The following CCDC57 variants were observed in gnomAD, a reference collection of about 807,000 sequenced individuals.
The protein encoded by CCDC57 is coiled-coil domain containing 57.
In CCDC57, 118 loss-of-function variants were observed where a neutral mutation model predicts 118.9. That is an observed-to-expected ratio of 0.99 (90% CI 0.86 to 1.16). The LOEUF (loss-of-function observed/expected upper bound fraction) is 1.16, where lower values mean the gene tolerates loss of function less well. Ranked by LOEUF, CCDC57 falls within the 50% of genes most tolerant of loss-of-function variation. The probability of loss-of-function intolerance (pLI) is 0.00; values close to 1 mark genes in which losing one functional copy is unlikely to be tolerated. For synonymous variants in CCDC57, 527 were observed against 532.9 expected, an observed-to-expected ratio of 0.99 and a Z score of 0.15; for missense variants, 1,300 against 1,320.7, an observed-to-expected ratio of 0.98 and a Z score of 0.24.
chr17:82,163,485 G>T, intron 13 of CCDC57, 128 bp from the exon 13 acceptor site: 2 of 1,028,236 alleles, frequency 1.9e-6, no homozygotes, highest in Non-Finnish European at 1.4e-6. Flanking sequence ...ACCCCAATGC[G>T]AAGCTGTTCT....
rs1440013514 is a variant in CCDC57 at position 82,128,531 on chromosome 17, G to A, written c.2644C>T (p.Gln882Ter). 1.1e-5 allele frequency: 17 copies of A among 1,573,832 alleles called. No individual in the cohort carries two copies. Among genetic ancestry groups the A allele is most frequent in the Non-Finnish European group, 1.4e-5 (16 of 1,158,614 alleles). Residue 882 changes from glutamine to a stop codon, truncating the protein, a stop_gained, in exon 18 of 20, where the codon CAG becomes TAG. Coordinates refer to ENST00000665763, the Ensembl canonical transcript of CCDC57. LOFTEE classifies it high-confidence loss of function. The stretch of plus-strand genomic sequence containing the variant: ...AGGGCGTCAAGTCTGCTGCCCACCT[G>A]TGCTGAGCGGGGCTGGTGCTTTCCC...
intron 11 of CCDC57, among the ~76,000 whole-genome samples, chr17:82,177,383 A>C (rs922349842): frequency 1.3e-5 from 2 of 151,784 alleles, no homozygotes; most frequent in South Asian, 2.1e-4. Context: ...TCTAAAAAAA[A>C]CAACTCCAAA....
intron 17 of CCDC57, among the ~76,000 whole-genome samples, chr17:82,132,750 A>T (rs1384333934): frequency 7.1e-6 from 1 of 141,020 alleles, no homozygotes; most frequent in Non-Finnish European, 1.5e-5. Context: ...TTCTGTAGAG[A>T]CAACCTTGCT....
chr17:82,210,068 G>A (rs2050060507), intron 1 of CCDC57, among the ~76,000 whole-genome samples: 1 of 152,124 alleles, frequency 6.6e-6, no homozygotes, highest in Non-Finnish European at 1.5e-5. Context: ...AATGCTCCCA[G>A]AAGGTTGGGA....
At chr17:82,110,019 C>G (rs1489716424) in intron 19 of CCDC57, among the ~76,000 whole-genome samples, 1 of 147,334 alleles carries the variant, frequency 6.8e-6, no homozygotes, top group African/African-American at 2.5e-5. Context: ...CTCACTCTGT[C>G]ACCCAGGCTG....
chr17:82,175,355 G>A (rs1159130200), intron 11 of CCDC57, among the ~76,000 whole-genome samples: 8 of 152,202 alleles, frequency 5.3e-5, no homozygotes, highest in Non-Finnish European at 1.2e-4. Context: ...CCACCACAGC[G>A]GCAAGCAAGG....
In CCDC57 at chr17:82,118,940, T is replaced by A. The variant is rs1471051627; in HGVS notation, c.2899+8752A>T. On this transcript the variant is annotated intron_variant, in intron 19 of 19. Coordinates refer to ENST00000665763, the Ensembl canonical transcript of CCDC57. This position sits in a 1 kb window ranked among gnomAD's most constrained non-coding sequence, Gnocchi z 4.7. ...TTGGAGTCCCTCCCTCGCCCTGGAATGCCTGGTAGTGTGTGGTCCCCGTGA... is the reference window on the plus strand; with the variant it reads ...TTGGAGTCCCTCCCTCGCCCTGGAAAGCCTGGTAGTGTGTGGTCCCCGTGA... 2.0e-5 allele frequency among the ~76,000 whole-genome samples: 3 copies of A among 151,684 alleles called. No individual in the cohort carries two copies. The highest frequency in any genetic ancestry group is 1.5e-5 in the Non-Finnish European group (1 of 67,928).
At chr17:82,153,555 C>T (rs1018143167) in intron 15 of CCDC57, 1 of 152,186 alleles carries the variant, frequency 6.6e-6, no homozygotes. Context: ...TGATTCTGCA[C>T]ACAGTGACCT....
At chr17:82,186,974 C>T (rs919965800) in intron 8 of CCDC57, among the ~76,000 whole-genome samples, 5 of 151,474 alleles carry the variant, frequency 3.3e-5, no homozygotes, top group Non-Finnish European at 1.5e-5. Context: ...GGCGGTGGCT[C>T]ACACCTGTAA....
At chr17:82,147,493 G>A (rs1188208179) in intron 16 of CCDC57, among the ~76,000 whole-genome samples, 1 of 150,298 alleles carries the variant, frequency 6.7e-6, no homozygotes, top group East Asian at 2.0e-4. Flanking sequence ...GGACAGGTGA[G>A]TGTGTGGGTA....
intron 19 of CCDC57, among the ~76,000 whole-genome samples, chr17:82,102,732 A>G (rs185611979): frequency 6.8e-4 from 104 of 152,222 alleles, no homozygotes; most frequent in East Asian, 2.1e-3. Context: ...AAAAATACAA[A>G]AAATTAGCCG....
chr17:82,112,960 A>C, intron 19 of CCDC57: 1 of 181,106 alleles, frequency 5.5e-6, no homozygotes, highest in Non-Finnish European at 1.2e-5. Flanking sequence ...CGGCCTGGCC[A>C]GAAGCAGAAG....
In CCDC57 at chr17:82,180,035, C is replaced by T. The variant is rs553705289; in HGVS notation, c.1212-846G>A. Among the ~76,000 whole-genome samples the T allele has an allele frequency of 1.3e-5, 2 of 152,300 alleles. 1 individual carries two copies. The highest frequency in any genetic ancestry group is 4.8e-5 in the African/African-American group (2 of 41,566). ...CCAGGCAGCGACACAGAGATGGTGGCATGGCTCTGCGTGAGACTGGAGGGA... is the reference window on the plus strand; with the variant it reads ...CCAGGCAGCGACACAGAGATGGTGGTATGGCTCTGCGTGAGACTGGAGGGA... On this transcript the variant is annotated intron_variant, in intron 9 of 19. Coordinates refer to ENST00000665763, the Ensembl canonical transcript of CCDC57.
At position 82,102,496 on chromosome 17, in the gene CCDC57, T is replaced by A. The variant is rs570714190; in HGVS notation, c.2900-630A>T. Among the ~76,000 whole-genome samples, 190 of 152,354 alleles carry A rather than the reference T, an allele frequency of 1.2e-3. 1 individual carries two copies. The highest frequency in any genetic ancestry group is 4.1e-3 in the African/African-American group (172 of 41,580). ...TCGCAGAGGGGTGTTGTAGGTGATC[T>A]TCTTTATCTGGCCAGTTTTTCTCTA... On this transcript the variant is annotated intron_variant, in intron 19 of 19. Transcript: ENST00000665763.
intron 19 of CCDC57, among the ~76,000 whole-genome samples, chr17:82,122,716 C>T (rs984604535): frequency 1.3e-4 from 20 of 152,360 alleles, no homozygotes; most frequent in African/African-American, 4.6e-4. Context: ...CCACCTCTGC[C>T]TCTGTCCTAT....
At chr17:82,142,764 G>A (rs566761380) in intron 16 of CCDC57, among the ~76,000 whole-genome samples, 24 of 152,264 alleles carry the variant, frequency 1.6e-4, no homozygotes, top group African/African-American at 5.8e-4. Flanking sequence ...TATTTAATAT[G>A]GTTGTTAAAT....
chr17:82,153,513 G>A lies in CCDC57; in HGVS notation c.2242-1740C>T, dbSNP rs1029451450. 5.9e-5 allele frequency: 9 copies of A among 152,292 alleles called. No individual in the cohort carries two copies. In the East Asian group the frequency reaches 1.5e-3, roughly 26 times the overall value. The allele number at this position is 152,292 out of a possible 1,614,324, so 9.4% of individuals were successfully genotyped here. On this transcript the variant is annotated intron_variant, in intron 15 of 19. Transcript: ENST00000665763. Reference sequence around the variant, plus strand: ...TGACCCCACAGGCAAAGGAAGGAGGGCATGGATCACAGGGCCCATGTCCTA... The same window carrying A: ...TGACCCCACAGGCAAAGGAAGGAGGACATGGATCACAGGGCCCATGTCCTA...
intron 19 of CCDC57, among the ~76,000 whole-genome samples, chr17:82,115,073 A>G (rs2035685446): frequency 6.6e-6 from 1 of 152,138 alleles, no homozygotes; most frequent in South Asian, 2.1e-4. Context: ...TCTGCAGAGG[A>G]GGCTCTGGCC....
At chr17:82,121,574 C>T (rs1044245515) in intron 19 of CCDC57, among the ~76,000 whole-genome samples, 18 of 152,226 alleles carry the variant, frequency 1.2e-4, no homozygotes, top group Admixed American at 1.2e-3. Flanking sequence ...GAGAGAGAGG[C>T]CCTTCACCTT....
Sources: gnomAD v4.1 joint callset for allele counts (sites outside exome capture counted in the v4.1 genomes callset) on GRCh38, gnomAD v4.1.1 for gene constraint, Gnocchi (gnomAD v3.1) non-coding constraint, MANE v1.5 for transcripts, NCBI Gene and HGNC (gene_info 2026-07-23, HGNC 2026-07-21) for gene names.